The following PRKCB variants were observed in gnomAD, a reference collection of about 807,000 sequenced individuals.
PRKCB encodes protein kinase C beta type.
PRKCB carries 13 observed loss-of-function variants against 81.5 expected under a neutral mutation model. The observed-to-expected ratio is 0.16, with a 90% confidence interval of 0.10 to 0.25. The LOEUF is 0.25. Among genes scored for constraint, PRKCB ranks in the 10% least tolerant of loss-of-function variants. The pLI is 1.00. For missense variants in PRKCB, 509 were observed against 875.7 expected (o/e 0.58, Z 5.29); for synonymous variants, 335 against 321.4 (o/e 1.04, Z -0.45).
rs1252308357 is a variant in PRKCB, at chr16:24,220,069, G to T, written c.*5253G>T. The T allele has an allele frequency of 3.7e-6, 6 of 1,614,028 alleles. No individual in the cohort carries two copies. Among genetic ancestry groups the T allele is most frequent in the African/African-American group, 2.7e-5 (2 of 74,916 alleles). ...CATGAACTTGGACCAAAATGAATTTGCTGGCTTCTCTTATACTAACCCAGA... is the reference window on the plus strand; with the variant it reads ...CATGAACTTGGACCAAAATGAATTTTCTGGCTTCTCTTATACTAACCCAGA... On this transcript the variant is annotated 3_prime_UTR_variant, in exon 17 of 17. Transcript: ENST00000643927.
intron 3 of PRKCB, among the ~76,000 whole-genome samples, chr16:24,007,773 G>A (rs749848914): frequency 6.6e-5 from 10 of 152,188 alleles, no homozygotes; most frequent in East Asian, 1.9e-4. Flanking sequence ...CCAGAAGACC[G>A]TAATTTCTGG....
chr16:23,958,853 G>A (rs1275063055), intron 2 of PRKCB, among the ~76,000 whole-genome samples: 2 of 151,958 alleles, frequency 1.3e-5, no homozygotes, highest in Middle Eastern at 6.8e-3. Context: ...ATCTAGAGGA[G>A]TTCAATCAAG....
chr16:23,843,895 T>G (rs1440795380), intron 2 of PRKCB, among the ~76,000 whole-genome samples: 1 of 151,908 alleles, frequency 6.6e-6, no homozygotes, highest in Non-Finnish European at 1.5e-5. Flanking sequence ...TTTGTACTGT[T>G]GGGGTCTCTC....
At chr16:24,027,779 A>AT (rs944679576) in intron 3 of PRKCB, among the ~76,000 whole-genome samples, 9 of 151,938 alleles carry the variant, frequency 5.9e-5, no homozygotes, top group African/African-American at 1.7e-4. Flanking sequence ...ACTTTAAACA[A>AT]TTTTTTTTGA....
intron 9 of PRKCB, among the ~76,000 whole-genome samples, chr16:24,132,703 C>G (rs1318015553): frequency 6.6e-6 from 1 of 151,416 alleles, no homozygotes; most frequent in Non-Finnish European, 1.5e-5. Flanking sequence ...GAATAACTTG[C>G]TGAAGTCACA....
At position 23,942,188 on chromosome 16, in the gene PRKCB, A is replaced by C. The variant is rs562645544; in HGVS notation, c.206-46320A>C. The stretch of plus-strand genomic sequence containing the variant: ...CCTTTTCCTCCTCCGCATGCTTGGC[A>C]GAAGGCCAGAGGAAGTACTGTAGTC... On this transcript the variant is annotated intron_variant, in intron 2 of 16. Coordinates refer to ENST00000643927, the MANE Select transcript of PRKCB (RefSeq NM_002738.7). 2.0e-5 allele frequency among the ~76,000 whole-genome samples: 3 copies of C among 152,346 alleles called. No individual in the cohort carries two copies. In the East Asian group the frequency reaches 5.8e-4, roughly 29 times the overall value.
intron 2 of PRKCB, among the ~76,000 whole-genome samples, chr16:23,973,001 T>C (rs997332278): frequency 4.6e-5 from 7 of 152,208 alleles, no homozygotes; most frequent in African/African-American, 1.7e-4. Context: ...TAATGTGTTG[T>C]CACATTTAAT....
chr16:23,941,396 A>C (rs1396828695), intron 2 of PRKCB, among the ~76,000 whole-genome samples: 1 of 152,210 alleles, frequency 6.6e-6, no homozygotes, highest in African/African-American at 2.4e-5. Flanking sequence ...ACACTGTCTC[A>C]CTTCTCTCCT....
chr16:23,960,776 A>G (rs906682012), intron 2 of PRKCB, among the ~76,000 whole-genome samples: 3 of 151,608 alleles, frequency 2.0e-5, no homozygotes, highest in Non-Finnish European at 4.4e-5. Flanking sequence ...TTACTTCCCC[A>G]CTCCCTACTG....
chr16:23,872,403 C>T (rs551404992), intron 2 of PRKCB, among the ~76,000 whole-genome samples: 2 of 152,274 alleles, frequency 1.3e-5, no homozygotes, highest in African/African-American at 4.8e-5. Context: ...CACCTGTAGT[C>T]CTACCTACTC....
chr16:23,971,985 T>G (rs1964563379), intron 2 of PRKCB, among the ~76,000 whole-genome samples: 1 of 152,132 alleles, frequency 6.6e-6, no homozygotes, highest in African/African-American at 2.4e-5. Flanking sequence ...TAAATGAATG[T>G]TCATAGCAGC....
At chr16:24,134,483 A>G (rs1477176683) in intron 9 of PRKCB, among the ~76,000 whole-genome samples, 1 of 152,192 alleles carries the variant, frequency 6.6e-6, no homozygotes, top group Non-Finnish European at 1.5e-5. Context: ...GCAGTGGGTC[A>G]TACCTGTAAT....
chr16:24,075,485 C>G (rs1966166117), intron 5 of PRKCB, among the ~76,000 whole-genome samples: 1 of 152,158 alleles, frequency 6.6e-6, no homozygotes. Context: ...TGGAAAAGAG[C>G]AGGATGGAGT....
At chr16:23,864,362 C>CGG (rs1421962515) in intron 2 of PRKCB, among the ~76,000 whole-genome samples, 2 of 151,912 alleles carry the variant, frequency 1.3e-5, no homozygotes, top group Non-Finnish European at 2.9e-5. Flanking sequence ...GAAGCTGAGA[C>CGG]GGGAGGATCA....
chr16:24,050,396 T>G (rs1965825896), intron 5 of PRKCB, among the ~76,000 whole-genome samples: 1 of 152,016 alleles, frequency 6.6e-6, no homozygotes, highest in Non-Finnish European at 1.5e-5. Flanking sequence ...GAGCGAAGGA[T>G]TGTCACTTTC....
chr16:23,936,258 G>T (rs1261462243), intron 2 of PRKCB, among the ~76,000 whole-genome samples: 1 of 150,836 alleles, frequency 6.6e-6, no homozygotes, highest in African/African-American at 2.4e-5. Context: ...ACTGGCATTT[G>T]TTCTGATTTG....
At chr16:23,922,752 C>A (rs1963843813) in intron 2 of PRKCB, among the ~76,000 whole-genome samples, 1 of 152,204 alleles carries the variant, frequency 6.6e-6, no homozygotes, top group Non-Finnish European at 1.5e-5. Context: ...GCCACAGTAG[C>A]TCCTGCCAGC....
rs569567504 is a variant in PRKCB at position 24,160,472 on chromosome 16, G to A, written c.1239+5615G>A. The stretch of plus-strand genomic sequence containing the variant: ...GGGCTTCAGAGGAGGCAGTGGAGCT[G>A]GAATAGGCCATATCCCTAAAAGGGC... On this transcript the variant is annotated intron_variant, in intron 10 of 16. Coordinates refer to ENST00000643927, the MANE Select transcript of PRKCB (RefSeq NM_002738.7). Among the ~76,000 whole-genome samples, 9 of 152,242 alleles carry A rather than the reference G, an allele frequency of 5.9e-5. No individual in the cohort carries two copies. In the South Asian group the frequency reaches 1.7e-3, roughly 28 times the overall value.
intron 9 of PRKCB, among the ~76,000 whole-genome samples, chr16:24,147,626 C>G (rs184784683): frequency 7.2e-5 from 11 of 152,180 alleles, no homozygotes; most frequent in African/African-American, 2.7e-4. Flanking sequence ...GGATCTAAAA[C>G]TGAATTTAAA....
Sources: allele counts gnomAD v4.1 joint callset (sites outside exome capture counted in the v4.1 genomes callset), GRCh38; gene constraint gnomAD v4.1.1; transcripts MANE v1.5; gene names NCBI Gene and HGNC (gene_info 2026-07-23, HGNC 2026-07-21).